Variants in ME3 observed in about 807,000 individuals in gnomAD.
ME3 encodes the protein NADP-dependent malic enzyme, mitochondrial.
ME3 carries 48 observed loss-of-function variants against 68.9 expected under a neutral mutation model. The ratio of observed to expected loss-of-function variants is 0.70; its 90% confidence interval spans 0.55 to 0.89. The LOEUF is 0.89. Among genes scored for constraint, ME3 ranks in the 40% least tolerant of loss-of-function variants. The pLI, the probability that ME3 is intolerant of heterozygous loss-of-function variation, is 0.00. For synonymous variants in ME3, 320 were observed against 318.8 expected (o/e 1.00, Z -0.04); for missense variants, 675 against 797.4 (o/e 0.85, Z 1.85).
At position 86,638,019 on chromosome 11, in the gene ME3, T is replaced by A. The variant is rs574463353; in HGVS notation, c.183+33743A>T. 4.2e-3 allele frequency among the ~76,000 whole-genome samples: 579 copies of A among 138,662 alleles called. 6 individuals carry two copies. The highest frequency in any genetic ancestry group is 0.016 in the African/African-American group (564 of 34,408). 91.0% of individuals were successfully genotyped at this position (138,662 alleles called of 152,430 possible). A position where few individuals can be genotyped will look rare whatever the true frequency, so the allele number is the denominator to read the frequency against. ...ACACACACACACATAAGGAAGCAGG[T>A]TCTGTCTTTACTATGGCACCTGGGT... On this transcript the variant is annotated intron_variant, in intron 2 of 14. Transcript: ENST00000543262.
In ME3 at chr11:86,442,908, CTGGGCAAT is replaced by C; in HGVS notation, c.1558_1565del (p.Ile520GlyfsTer4). ...GGGACAGATGCTGCTCAGAGACTTC[CTGGGCAAT>C]TTGCTGGGGAGAAGGAGAGAACCGA... On this transcript the variant is annotated frameshift_variant, in exon 14 of 15. Coordinates refer to ENST00000543262, the Ensembl canonical transcript of ME3. LOFTEE classifies it high-confidence loss of function. The C allele has an allele frequency of 6.2e-7, 1 of 1,612,212 alleles. No individual in the cohort carries two copies. The highest frequency in any genetic ancestry group is 8.5e-7 in the Non-Finnish European group (1 of 1,178,592).
intron 2 of ME3, among the ~76,000 whole-genome samples, chr11:86,641,739 T>C (rs1333288185): frequency 6.6e-6 from 1 of 152,210 alleles, no homozygotes; most frequent in African/African-American, 2.4e-5. Flanking sequence ...TTGGACTTTC[T>C]ATGATGTCTG....
Position 86,467,643 on chromosome 11 carries a change from TG to T in ME3, c.810-2444del, listed in dbSNP as rs1950548712. Among the ~76,000 whole-genome samples the T allele has an allele frequency of 5.6e-5, 8 of 144,018 alleles. No homozygotes were observed. The Admixed American group carries it at 5.8e-4, about 10-fold the overall frequency. 94.5% of individuals were successfully genotyped at this position (144,018 alleles called of 152,430 possible). Reference sequence around the variant, plus strand: ...GATGAACGTTTTCTGTCTCTCTCTGTGTGTCTGTCTCTCTCTGTTTCTCTCT... The same window carrying T: ...GATGAACGTTTTCTGTCTCTCTCTGTTGTCTGTCTCTCTCTGTTTCTCTCT... On this transcript the variant is annotated intron_variant, in intron 7 of 14. Transcript: ENST00000543262.
At chr11:86,659,014 TAA>T (rs1946103542) in intron 2 of ME3, among the ~76,000 whole-genome samples, 1 of 152,040 alleles carries the variant, frequency 6.6e-6, no homozygotes, top group South Asian at 2.1e-4. Context: ...AGACCAAAAA[TAA>T]AAGAGATAAG....
chr11:86,653,089 A>G (rs1447067102), intron 2 of ME3, among the ~76,000 whole-genome samples: 5 of 152,190 alleles, frequency 3.3e-5, no homozygotes, highest in Non-Finnish European at 7.3e-5. Context: ...ACCCAGATTC[A>G]TAAAGCAAGT....
chr11:86,463,390 C>G (rs1045766306), intron 8 of ME3, among the ~76,000 whole-genome samples: 1 of 152,162 alleles, frequency 6.6e-6, no homozygotes, highest in Non-Finnish European at 1.5e-5. Flanking sequence ...TCCTCAGGGC[C>G]AAGGCACACT....
chr11:86,550,972 G>T (rs192608440), intron 4 of ME3, among the ~76,000 whole-genome samples: 431 of 152,096 alleles, frequency 2.8e-3, no homozygotes, highest in African/African-American at 9.4e-3. Flanking sequence ...CTGGGTGTGT[G>T]TGCACATGCA....
At chr11:86,670,773 A>G (rs940753116) in intron 2 of ME3, among the ~76,000 whole-genome samples, 1 of 152,180 alleles carries the variant, frequency 6.6e-6, no homozygotes, top group African/African-American at 2.4e-5. Context: ...AAAAAAATTT[A>G]TTTTGCAGTA....
At chr11:86,539,868 T>C (rs1243497165) in intron 4 of ME3, among the ~76,000 whole-genome samples, 17 of 152,282 alleles carry the variant, frequency 1.1e-4, no homozygotes, top group African/African-American at 3.8e-4. Flanking sequence ...TTGGGCCCCA[T>C]ATAAAATATA....
At chr11:86,532,693 A>G (rs1051696664) in intron 4 of ME3, among the ~76,000 whole-genome samples, 2 of 152,234 alleles carry the variant, frequency 1.3e-5, no homozygotes, top group African/African-American at 4.8e-5. Flanking sequence ...GAAACATAGC[A>G]TAATGTAACA....
rs1312193389 is a variant in ME3 at position 86,448,149 on chromosome 11, C to T, written c.1237+1G>A. 5.6e-6 allele frequency: 9 copies of T among 1,609,918 alleles called. No individual in the cohort carries two copies. In the South Asian group the frequency reaches 9.9e-5, roughly 18 times the overall value. ...GTAGTGGGTACCCTCCCTCCTCCTA[C>T]CTATGATGGCTGTGGGCTTCACCAG... is the stretch of plus-strand genomic sequence containing the variant. On this transcript the variant is annotated splice_donor_variant, in intron 11 of 14. Coordinates refer to ENST00000543262, the Ensembl canonical transcript of ME3. LOFTEE classifies it high-confidence loss of function.
At chr11:86,551,696 T>G (rs1326351402) in intron 4 of ME3, among the ~76,000 whole-genome samples, 2 of 152,204 alleles carry the variant, frequency 1.3e-5, no homozygotes, top group East Asian at 3.9e-4. Context: ...AGTACATGCA[T>G]TCAATAAATG....
At chr11:86,595,699 G>A (rs1317506377) in intron 2 of ME3, among the ~76,000 whole-genome samples, 1 of 152,204 alleles carries the variant, frequency 6.6e-6, no homozygotes, top group South Asian at 2.1e-4. Flanking sequence ...CCTGACTCCA[G>A]GCCCTCACTA....
At chr11:86,594,450 G>T (rs1358613367) in intron 2 of ME3, among the ~76,000 whole-genome samples, 2 of 145,516 alleles carry the variant, frequency 1.4e-5, no homozygotes, top group Non-Finnish European at 3.0e-5. Context: ...CAGCACTTTG[G>T]GAGGCCAAGG....
intron 4 of ME3, among the ~76,000 whole-genome samples, chr11:86,544,084 A>G (rs1324413416): frequency 6.6e-6 from 1 of 152,088 alleles, no homozygotes; most frequent in African/African-American, 2.4e-5. Flanking sequence ...AAAGGCAGAA[A>G]TAAATAAGTT....
chr11:86,589,533 C>T (rs966861004), intron 2 of ME3, among the ~76,000 whole-genome samples: 8 of 152,208 alleles, frequency 5.3e-5, no homozygotes, highest in Non-Finnish European at 8.8e-5. Flanking sequence ...TGTCAGGAAA[C>T]AGAGGCCTGT....
chr11:86,605,560 C>T (rs1261568733), intron 2 of ME3, among the ~76,000 whole-genome samples: 1 of 152,134 alleles, frequency 6.6e-6, no homozygotes, highest in African/African-American at 2.4e-5. Flanking sequence ...ATTCAGAGTG[C>T]CTTCTAGCCA....
chr11:86,597,090 G>A (rs1347411031), intron 2 of ME3, among the ~76,000 whole-genome samples: 1 of 152,244 alleles, frequency 6.6e-6, no homozygotes, highest in Non-Finnish European at 1.5e-5. Flanking sequence ...TCATGGAAGT[G>A]CTGTAAGCAG....
intron 2 of ME3, among the ~76,000 whole-genome samples, chr11:86,579,755 G>A (rs1264850797): frequency 6.6e-6 from 1 of 152,152 alleles, no homozygotes; most frequent in Non-Finnish European, 1.5e-5. Flanking sequence ...TGGAATTTAA[G>A]GATAGGTGGT....
Sources: allele counts gnomAD v4.1 joint callset (sites outside exome capture counted in the v4.1 genomes callset), GRCh38; gene constraint gnomAD v4.1.1; transcripts MANE v1.5; gene names NCBI Gene and HGNC (gene_info 2026-07-23, HGNC 2026-07-21).